CTNNBL1: variants seen among roughly 807,000 people sequenced by gnomAD.
The protein encoded by CTNNBL1 is catenin beta like 1.
A neutral mutation model predicts 72.7 loss-of-function variants in CTNNBL1; 31 were observed. That is an observed-to-expected ratio of 0.43 (90% CI 0.32 to 0.58). The LOEUF is 0.58. Among genes scored for constraint, CTNNBL1 ranks in the 20% least tolerant of loss-of-function variants. CTNNBL1 has a pLI of 0.08. For synonymous variants in CTNNBL1, 240 were observed against 267.3 expected (o/e 0.90, Z 1.00); for missense variants, 534 against 725.1 (o/e 0.74, Z 3.03).
intron 11 of CTNNBL1, among the ~76,000 whole-genome samples, chr20:37,839,596 G>A (rs748326424): frequency 1.3e-5 from 2 of 152,168 alleles, no homozygotes; most frequent in East Asian, 1.9e-4. Flanking sequence ...AACTTGAAGC[G>A]GGGATGTTAG....
At chr20:37,789,639 T>C (rs2073707284) in intron 10 of CTNNBL1, among the ~76,000 whole-genome samples, 1 of 152,222 alleles carries the variant, frequency 6.6e-6, no homozygotes, top group South Asian at 2.1e-4. Context: ...CAGATACCTC[T>C]CTTTGGTAAG....
chr20:37,742,437 T>C (rs544011751), intron 3 of CTNNBL1, among the ~76,000 whole-genome samples: 1 of 152,346 alleles, frequency 6.6e-6, no homozygotes, highest in African/African-American at 2.4e-5. Flanking sequence ...CTGATTTGTA[T>C]TACAGTTATG....
At chr20:37,812,667 C>T (rs1415624288) in intron 11 of CTNNBL1, among the ~76,000 whole-genome samples, 1 of 152,176 alleles carries the variant, frequency 6.6e-6, no homozygotes, top group African/African-American at 2.4e-5. Flanking sequence ...ACCACCAGTC[C>T]CTGCTTTGTG....
At chr20:37,702,022 T>C (rs2072849440) in intron 1 of CTNNBL1, among the ~76,000 whole-genome samples, 1 of 152,314 alleles carries the variant, frequency 6.6e-6, no homozygotes, top group Non-Finnish European at 1.5e-5. Flanking sequence ...AGTATACTGT[T>C]TGTGTGTGTT....
At chr20:37,841,018 G>A (rs780012751) in intron 12 of CTNNBL1, among the ~76,000 whole-genome samples, 1 of 152,218 alleles carries the variant, frequency 6.6e-6, no homozygotes, top group Non-Finnish European at 1.5e-5. Flanking sequence ...TATGCCAGAC[G>A]ATAGGATTTT....
chr20:37,817,357 A>T (rs2072069440), intron 11 of CTNNBL1, among the ~76,000 whole-genome samples: 1 of 152,246 alleles, frequency 6.6e-6, no homozygotes, highest in Non-Finnish European at 1.5e-5. Flanking sequence ...GTAATGTGGG[A>T]TGTGAACTTT....
intron 10 of CTNNBL1, among the ~76,000 whole-genome samples, chr20:37,792,671 A>G (rs1406332942): frequency 6.2e-5 from 1 of 16,178 alleles, no homozygotes; most frequent in Non-Finnish European, 1.4e-4. Context: ...GCAAAACTGG[A>G]AAAAAAATCA....
chr20:37,870,585 G>C (rs559436787), intron 15 of CTNNBL1, among the ~76,000 whole-genome samples: 7 of 152,142 alleles, frequency 4.6e-5, no homozygotes, highest in African/African-American at 1.7e-4. Flanking sequence ...TGAAGACGTC[G>C]CCTCACCTCC....
rs778200547 is a variant in CTNNBL1 at position 37,694,149 on chromosome 20, C to T, written c.27C>T (p.Tyr9=). Residue 9 remains tyrosine (Y), a synonymous_variant, in exon 1 of 16, where the codon TAC becomes TAT. Transcript: ENST00000361383. ...TGGACGTGGGCGAACTTCTGAGCTA[C>T]CAGGTATGAGGGGCAGGGAGGGCCG... is the stretch of plus-strand genomic sequence containing the variant. MDVGELLS[Y]QPNRGTKRPR... is the part of the protein sequence containing the mutation. 13 of 1,600,410 alleles carry T rather than the reference C, an allele frequency of 8.1e-6. No homozygotes were observed. The highest frequency in any genetic ancestry group is 1.1e-5 in the South Asian group (1 of 89,838).
chr20:37,768,311 G>A (rs2073489590), intron 7 of CTNNBL1, among the ~76,000 whole-genome samples: 1 of 152,192 alleles, frequency 6.6e-6, no homozygotes, highest in Admixed American at 6.5e-5. Flanking sequence ...CCCCTCTGCT[G>A]ATCCCTTGTA....
chr20:37,734,281 A>G (rs1287790736), intron 2 of CTNNBL1, among the ~76,000 whole-genome samples: 2 of 152,230 alleles, frequency 1.3e-5, no homozygotes, highest in Admixed American at 6.5e-5. Context: ...CCGCTAAAAG[A>G]TGATGGCACT....
intron 10 of CTNNBL1, among the ~76,000 whole-genome samples, chr20:37,796,191 C>G (rs774115111): frequency 6.6e-6 from 1 of 152,176 alleles, no homozygotes; most frequent in Non-Finnish European, 1.5e-5. Context: ...TCTTACTTCT[C>G]TTAGGCAGCT....
intron 11 of CTNNBL1, among the ~76,000 whole-genome samples, chr20:37,833,667 C>G (rs574933340): frequency 6.6e-6 from 1 of 152,164 alleles, no homozygotes; most frequent in Non-Finnish European, 1.5e-5. Context: ...CCACATCCAC[C>G]CCATCTGCAT....
At chr20:37,756,602 C>T (rs1314536642) in intron 4 of CTNNBL1, among the ~76,000 whole-genome samples, 3 of 149,430 alleles carry the variant, frequency 2.0e-5, no homozygotes, top group Non-Finnish European at 4.4e-5. Flanking sequence ...TTTATACTTC[C>T]CTTTCTTTTC....
chr20:37,859,845 C>T (rs1401752632), intron 13 of CTNNBL1, 54 bp from the exon 14 acceptor site: 7 of 1,590,752 alleles, frequency 4.4e-6, no homozygotes. Flanking sequence ...GGAGTCCATT[C>T]TTTCCTCCCA....
At chr20:37,728,895 AG>A (rs2122591282) in intron 1 of CTNNBL1, among the ~76,000 whole-genome samples, 1 of 152,310 alleles carries the variant, frequency 6.6e-6, no homozygotes, top group African/African-American at 2.4e-5. Flanking sequence ...TAACCCTCTT[AG>A]GGATGGTATA....
intron 1 of CTNNBL1, among the ~76,000 whole-genome samples, chr20:37,716,797 G>GA (rs1251808152): frequency 2.6e-5 from 4 of 152,132 alleles, no homozygotes; most frequent in Admixed American, 1.3e-4. Flanking sequence ...CCATAATGTT[G>GA]AAAAATATTC....
intron 1 of CTNNBL1, among the ~76,000 whole-genome samples, chr20:37,696,512 C>G (rs967946015): frequency 1.5e-5 from 2 of 132,640 alleles, no homozygotes; most frequent in Non-Finnish European, 3.1e-5. Context: ...GGTGAGATCT[C>G]AGCTGACTGC....
At chr20:37,712,283 A>G (rs1426302566) in intron 1 of CTNNBL1, among the ~76,000 whole-genome samples, 1 of 152,232 alleles carries the variant, frequency 6.6e-6, no homozygotes, top group East Asian at 1.9e-4. Context: ...GAATGAAGAA[A>G]GCATCCCCTC....
Sources: allele counts gnomAD v4.1 joint callset (sites outside exome capture counted in the v4.1 genomes callset), GRCh38; gene constraint gnomAD v4.1.1; transcripts MANE v1.5; gene names NCBI Gene and HGNC (gene_info 2026-07-23, HGNC 2026-07-21).